Variants in GRID1 observed in about 807,000 individuals in gnomAD.
GRID1 encodes glutamate ionotropic receptor delta type subunit 1, also known as glutamate receptor ionotropic, delta-1.
A neutral mutation model predicts 98.0 loss-of-function variants in GRID1; 28 were observed. That is an observed-to-expected ratio of 0.29 (90% confidence interval 0.21 to 0.39). The LOEUF is 0.39. Ranked by LOEUF, GRID1 falls within the 10% of genes least tolerant of loss-of-function variation. The probability of loss-of-function intolerance (pLI) is 1.00; values close to 1 mark genes in which losing one functional copy is unlikely to be tolerated. For missense variants in GRID1, 1,111 were observed against 1,340.5 expected, an observed-to-expected ratio of 0.83 and a Z score of 2.67; for synonymous variants, 553 against 538.5, an observed-to-expected ratio of 1.03 and a Z score of -0.37.
At chr10:85,720,673 G>GAA (rs138759929) in intron 12 of GRID1, among the ~76,000 whole-genome samples, 3 of 144,406 alleles carry the variant, frequency 2.1e-5, no homozygotes, top group African/African-American at 5.1e-5. Flanking sequence ...GAAAAGAAGA[G>GAA]AAAAAAAAAC....
chr10:86,117,902 T>C (rs1212993902), intron 4 of GRID1, among the ~76,000 whole-genome samples: 1 of 152,174 alleles, frequency 6.6e-6, no homozygotes, highest in Non-Finnish European at 1.5e-5. Flanking sequence ...TGGAGATACC[T>C]TAAAGAACTA....
chr10:85,826,474 T>C (rs1449277467), intron 8 of GRID1, among the ~76,000 whole-genome samples: 1 of 152,110 alleles, frequency 6.6e-6, no homozygotes, highest in Non-Finnish European at 1.5e-5. Flanking sequence ...CCTGTGAACA[T>C]GTTCACAGAT....
intron 2 of GRID1, among the ~76,000 whole-genome samples, chr10:86,317,488 T>C (rs960826253): frequency 1.3e-5 from 2 of 152,208 alleles, no homozygotes; most frequent in African/African-American, 4.8e-5. Flanking sequence ...ACATCTCACC[T>C]GCTGAAAGTG....
intron 4 of GRID1, among the ~76,000 whole-genome samples, chr10:86,068,451 A>G (rs117445176): frequency 0.043 from 6,547 of 152,332 alleles, 167 homozygotes; most frequent in Middle Eastern, 0.068. Flanking sequence ...ATCCCCAAAT[A>G]GAACCTTCAC....
intron 12 of GRID1, among the ~76,000 whole-genome samples, chr10:85,695,839 G>T (rs1321954018): frequency 6.6e-6 from 1 of 152,072 alleles, no homozygotes; most frequent in Non-Finnish European, 1.5e-5. Context: ...GTAACCCAAG[G>T]AATAGGGAGC....
Position 85,955,726 on chromosome 10 carries a change from A to T in GRID1, c.727-39487T>A, listed in dbSNP as rs1842180836. 2.4e-5 allele frequency among the ~76,000 whole-genome samples: 3 copies of T among 127,174 alleles called. No individual in the cohort carries two copies. In the South Asian group the frequency reaches 7.1e-4, roughly 30 times the overall value. The allele number at this position is 127,174 out of a possible 152,430, so 83.4% of individuals were successfully genotyped here. On this transcript the variant is annotated intron_variant, in intron 4 of 15. Coordinates refer to ENST00000327946, the MANE Select transcript of GRID1 (RefSeq NM_017551.3). Reference sequence around the variant, plus strand: ...TTTCTCCATGATTCATTTAGTCATCAGACAGTCAGTCAGCACCTTTCCTGA... The same window carrying T: ...TTTCTCCATGATTCATTTAGTCATCTGACAGTCAGTCAGCACCTTTCCTGA...
At chr10:86,339,669 A>G (rs1166922982) in intron 2 of GRID1, among the ~76,000 whole-genome samples, 1 of 152,232 alleles carries the variant, frequency 6.6e-6, no homozygotes, top group African/African-American at 2.4e-5. Context: ...GGAGGGAACG[A>G]GCAGAGTGGG....
chr10:85,636,120 A>T (rs539048136), intron 13 of GRID1, among the ~76,000 whole-genome samples: 1 of 152,202 alleles, frequency 6.6e-6, no homozygotes, highest in Non-Finnish European at 1.5e-5. Flanking sequence ...AGCTGTTGTG[A>T]TTAAATTAAT....
At chr10:85,735,196 C>T (rs141895090) in intron 8 of GRID1, among the ~76,000 whole-genome samples, 1 of 152,294 alleles carries the variant, frequency 6.6e-6, no homozygotes, top group East Asian at 1.9e-4. Context: ...TGGCCGCACA[C>T]ACCCACTTTT....
chr10:85,833,687 T>C (rs769763503), intron 8 of GRID1, among the ~76,000 whole-genome samples: 7 of 152,194 alleles, frequency 4.6e-5, no homozygotes, highest in Non-Finnish European at 1.0e-4. Flanking sequence ...TATCTGACTA[T>C]AATTTTAAAT....
At chr10:86,044,425 GT>G in intron 4 of GRID1, among the ~76,000 whole-genome samples, 1 of 152,298 alleles carries the variant, frequency 6.6e-6, no homozygotes, top group East Asian at 1.9e-4. Context: ...TCTTTCTGCA[GT>G]GCTAGAACTG....
At chr10:86,116,544 C>T (rs951864060) in intron 4 of GRID1, among the ~76,000 whole-genome samples, 4 of 152,112 alleles carry the variant, frequency 2.6e-5, no homozygotes, top group East Asian at 1.9e-4. Flanking sequence ...TGTGGGAGAA[C>T]GATGGCCATC....
intron 5 of GRID1, among the ~76,000 whole-genome samples, chr10:85,908,618 G>A (rs1841494143): frequency 6.6e-6 from 1 of 152,136 alleles, no homozygotes; most frequent in Admixed American, 6.5e-5. Flanking sequence ...TCCCAAAAAT[G>A]GAGTACAGAT....
At chr10:86,165,584 G>A (rs914535878) in intron 3 of GRID1, among the ~76,000 whole-genome samples, 1 of 152,172 alleles carries the variant, frequency 6.6e-6, no homozygotes, top group African/African-American at 2.4e-5. Context: ...TCTACAAAGA[G>A]GGAGATCCAA....
chr10:85,609,160 C>T (rs1433228333), intron 15 of GRID1, among the ~76,000 whole-genome samples: 1 of 152,194 alleles, frequency 6.6e-6, no homozygotes, highest in Non-Finnish European at 1.5e-5. Context: ...GAGGTAGACA[C>T]ATCATTCACA....
chr10:85,816,685 C>T (rs1842719121), intron 8 of GRID1, among the ~76,000 whole-genome samples: 1 of 152,076 alleles, frequency 6.6e-6, no homozygotes, highest in Non-Finnish European at 1.5e-5. Flanking sequence ...TTTTTTCATG[C>T]TTTTTGTTAT....
chr10:85,775,783 A>G (rs1046147990), intron 8 of GRID1, among the ~76,000 whole-genome samples: 25 of 152,208 alleles, frequency 1.6e-4, no homozygotes, highest in Admixed American at 1.4e-3. Flanking sequence ...TATTTGGTTT[A>G]AAGAACTGTA....
chr10:85,653,753 G>A (rs1217450669), intron 12 of GRID1, among the ~76,000 whole-genome samples: 1 of 152,146 alleles, frequency 6.6e-6, no homozygotes, highest in Non-Finnish European at 1.5e-5. Context: ...TTTATAAGGA[G>A]AAGAAGAGAG....
chr10:86,339,541 C>T (rs1232527808), intron 2 of GRID1, among the ~76,000 whole-genome samples: 1 of 152,250 alleles, frequency 6.6e-6, no homozygotes, highest in East Asian at 1.9e-4. Flanking sequence ...AAAGCTTAGG[C>T]CTTTGCCTCC....
Sources: gnomAD v4.1 joint callset for allele counts (sites outside exome capture counted in the v4.1 genomes callset) on GRCh38, gnomAD v4.1.1 for gene constraint, MANE v1.5 for transcripts, NCBI Gene and HGNC (gene_info 2026-07-23, HGNC 2026-07-21) for gene names.